Variants in PMM1 observed in about 807,000 individuals in gnomAD.
The protein encoded by PMM1 is brain glucose-1,6-bisphosphatase.
In PMM1, 25 loss-of-function variants were observed where a neutral mutation model predicts 34.0. The observed-to-expected ratio is 0.73, with a 90% CI of 0.54 to 1.03. The LOEUF is 1.03. PMM1 is among the 50% of genes least tolerant of loss of function. PMM1 has a pLI of 0.00. For synonymous variants in PMM1, 134 were observed against 143.9 expected, an observed-to-expected ratio of 0.93 and a Z score of 0.49; for missense variants, 321 against 350.1, an observed-to-expected ratio of 0.92 and a Z score of 0.66.
intron 4 of PMM1, 70 bp downstream of exon 4, chr22:41,584,211 C>T: frequency 4.2e-6 from 6 of 1,436,224 alleles, no homozygotes; most frequent in African/African-American, 2.8e-5. Context: ...TCTCCAGGTT[C>T]CCTCTGAGGG....
chr22:41,584,626 G>T (rs779668310), intron 2 of PMM1, 23 bp from the exon 3 acceptor site: 13 of 1,591,160 alleles, frequency 8.2e-6, no homozygotes, highest in Non-Finnish European at 1.1e-5. Context: ...ATAGAGGACA[G>T]GAGGAAGAAA....
intron 5 of PMM1, 78 bp from the exon 6 acceptor site, chr22:41,578,959 G>A (rs1257022714): frequency 6.6e-6 from 8 of 1,217,630 alleles, no homozygotes; most frequent in African/African-American, 1.5e-5. Context: ...CAGTCCACGT[G>A]AGCGTGCTGA....
At chr22:41,589,084 A>T in intron 1 of PMM1, 1 of 1,303,910 alleles carries the variant, frequency 7.7e-7, no homozygotes, top group Non-Finnish European at 1.0e-6. Flanking sequence ...CACAGCAAAC[A>T]GGCTAGGCCT....
In PMM1 at chr22:41,584,524, G is replaced by A. The variant is rs769024069; in HGVS notation, c.282+3C>T. ...CCCTGGCTAAGCCCTGGGGGACACT[G>A]ACCTGCTTGGAGAGCAGTCGTCCGT... is the stretch of plus-strand genomic sequence containing the variant. On this transcript the variant is annotated splice_donor_region_variant and intron_variant, in intron 3 of 7. Transcript: ENST00000216259. 8 of 1,612,236 alleles carry A rather than the reference G, an allele frequency of 5.0e-6. No homozygotes were observed. The highest frequency in any genetic ancestry group is 1.3e-5 in the African/African-American group (1 of 74,988).
chr22:41,582,265 C>T (rs1050574414), intron 5 of PMM1, among the ~76,000 whole-genome samples: 29 of 152,152 alleles, frequency 1.9e-4, no homozygotes, highest in Admixed American at 1.4e-3. Flanking sequence ...CAAAACTGGC[C>T]TGGGAGACAC....
At chr22:41,579,181 T>A in intron 5 of PMM1, 3 of 382,982 alleles carry the variant, frequency 7.8e-6, no homozygotes, top group Non-Finnish European at 1.0e-5. Flanking sequence ...GACGGGGCAA[T>A]CTGGATCCCA....
At chr22:41,581,215 T>C (rs1489104054) in intron 5 of PMM1, among the ~76,000 whole-genome samples, 1 of 149,440 alleles carries the variant, frequency 6.7e-6, no homozygotes, top group Non-Finnish European at 1.5e-5. Flanking sequence ...TCCCAGCTAC[T>C]CAGGAGGCTG....
chr22:41,585,865 A>C (rs1436147558), intron 2 of PMM1, among the ~76,000 whole-genome samples: 1 of 152,202 alleles, frequency 6.6e-6, no homozygotes, highest in Admixed American at 6.5e-5. Flanking sequence ...GCATAAGGGC[A>C]GGTTCTGCTT....
In PMM1 at chr22:41,578,878, C is replaced by A. The variant is rs748657681; in HGVS notation, c.478G>T (p.Glu160Ter). The A allele has an allele frequency of 8.1e-6, 13 of 1,613,930 alleles. No homozygotes were observed. The highest frequency in any genetic ancestry group is 6.7e-5 in the Admixed American group (4 of 60,012). ...RIEFSELDKK[E>*]KIREKFVEAL... ...TCCACGAACTTCTCCCGGATCTTCTCTTTCTGCAGAGGGGAGGGAGCGGAT... is the reference window on the plus strand; with the variant it reads ...TCCACGAACTTCTCCCGGATCTTCTATTTCTGCAGAGGGGAGGGAGCGGAT... The change falls in exon 6 of 8, where the codon GAG becomes TAG. Residue 160 changes from glutamate to a stop codon, truncating the protein, a stop_gained. Transcript: ENST00000216259. LOFTEE classifies it high-confidence loss of function.
At chr22:41,587,941 A>C (rs750107145) in intron 1 of PMM1, among the ~76,000 whole-genome samples, 7 of 152,264 alleles carry the variant, frequency 4.6e-5, no homozygotes, top group Non-Finnish European at 8.8e-5. Context: ...GCCCGTAGAC[A>C]AATTAATAGG....
intron 1 of PMM1, among the ~76,000 whole-genome samples, chr22:41,587,537 C>A (rs2067325834): frequency 1.3e-5 from 2 of 151,700 alleles, no homozygotes; most frequent in African/African-American, 4.8e-5. Flanking sequence ...GGGAGAATCA[C>A]TTGAGCCCAG....
intron 2 of PMM1, chr22:41,585,463 T>TTTATTTATTTA (rs1569056871): frequency 1.4e-5 from 2 of 148,076 alleles, no homozygotes; most frequent in African/African-American, 5.0e-5. Flanking sequence ...GGTTCTGCCC[T>TTTATTTATTTA]TTTATTTATT....
At position 41,583,350 on chromosome 22, in the gene PMM1, T is replaced by G. The variant is rs149198436; in HGVS notation, c.474+609A>C. Among the ~76,000 whole-genome samples the G allele has an allele frequency of 8.3e-4, 127 of 152,176 alleles. 2 individuals carry two copies. In the East Asian group the frequency reaches 0.023, roughly 28 times the overall value. ...TACAAAAATTAGCTGGGTGTAGTGG[T>G]GCATGCCTGTAATTCCAGCTACTTG... On this transcript the variant is annotated intron_variant, in intron 5 of 7. Coordinates refer to ENST00000216259, the MANE Select transcript of PMM1 (RefSeq NM_002676.3).
chr22:41,583,494 A>T (rs993458331), intron 5 of PMM1, among the ~76,000 whole-genome samples: 7 of 152,262 alleles, frequency 4.6e-5, no homozygotes, highest in African/African-American at 1.2e-4. Flanking sequence ...CCAAAAAGAA[A>T]AAGAAAGAAA....
chr22:41,588,931 C>T (rs2067345175), intron 1 of PMM1: 1 of 1,153,796 alleles, frequency 8.7e-7, no homozygotes, highest in Admixed American at 2.8e-5. Context: ...CTTACTGATG[C>T]ATCCAGCTGG....
intron 1 of PMM1, 148 bp downstream of exon 1, chr22:41,589,571 T>A (rs2067356136): frequency 1.5e-6 from 1 of 662,362 alleles, no homozygotes; most frequent in Non-Finnish European, 2.6e-6. Context: ...TCCCGGTGGG[T>A]GGCCCCGGAT....
In PMM1 at chr22:41,582,797, T is replaced by C. The variant is rs1015972414; in HGVS notation, c.474+1162A>G. Among the ~76,000 whole-genome samples, 13 of 151,760 alleles carry C rather than the reference T, an allele frequency of 8.6e-5. No homozygotes were observed. The East Asian group carries it at 2.5e-3, about 29-fold the overall frequency. ...CACTCTAGAATCAGCCAAGAGGCCA[T>C]AGCTGGAGCAGAGGGCAGGGAGAGC... On this transcript the variant is annotated intron_variant, in intron 5 of 7. Coordinates refer to ENST00000216259, the MANE Select transcript of PMM1 (RefSeq NM_002676.3).
At position 41,584,062 on chromosome 22, in the gene PMM1, G is replaced by C. The variant is rs2067279235; in HGVS notation, c.375-4C>G. 6.2e-7 allele frequency: 1 copy of C among 1,609,090 alleles called. No homozygotes were observed. The highest frequency in any genetic ancestry group is 1.1e-5 in the South Asian group (1 of 90,986). On this transcript the variant is annotated splice_polypyrimidine_tract_variant and splice_region_variant and intron_variant, in intron 4 of 7. Transcript: ENST00000216259. The stretch of plus-strand genomic sequence containing the variant: ...CCGGAACTCGATGAAGGTTCCACTG[G>C]TGGTGAGGGAGGGCGGGGAGCCAGA...
At chr22:41,585,854 T>C (rs1233678079) in intron 2 of PMM1, among the ~76,000 whole-genome samples, 1 of 152,178 alleles carries the variant, frequency 6.6e-6, no homozygotes, top group African/African-American at 2.4e-5. Context: ...GAATGTAAAC[T>C]GCATAAGGGC....
Sources: allele counts gnomAD v4.1 joint callset (sites outside exome capture counted in the v4.1 genomes callset), GRCh38; gene constraint gnomAD v4.1.1; transcripts MANE v1.5; gene names NCBI Gene and HGNC (gene_info 2026-07-23, HGNC 2026-07-21).